Variants in AHRR observed in about 807,000 individuals in gnomAD.
AHRR encodes aryl hydrocarbon receptor repressor, also known as ahR repressor.
A neutral mutation model predicts 44.0 loss-of-function variants in AHRR; 28 were observed. The observed-to-expected ratio is 0.64, with a 90% CI of 0.47 to 0.87. The LOEUF (loss-of-function observed/expected upper bound fraction) is 0.87, where lower values mean the gene tolerates loss of function less well. Among genes scored for constraint, AHRR ranks in the 40% least tolerant of loss-of-function variants. The pLI, the probability that AHRR is intolerant of heterozygous loss-of-function variation, is 0.00. For missense variants in AHRR, 990 were observed against 953.9 expected, an observed-to-expected ratio of 1.04 and a Z score of -0.50; for synonymous variants, 434 against 407.0, an observed-to-expected ratio of 1.07 and a Z score of -0.80.
chr5:337,818 G>T lies in AHRR; in HGVS notation c.-10-6075G>T, dbSNP rs922391811. Among the ~76,000 whole-genome samples the T allele has an allele frequency of 6.6e-6, 1 of 152,162 alleles. No homozygotes were observed. The highest frequency in any genetic ancestry group is 1.5e-5 in the Non-Finnish European group (1 of 68,040). ...GTTCCGTCCCCTGGAGGGCAGAGAA[G>T]TTTGCTGAGTTGCCCTGTCTATGGC... On this transcript the variant is annotated intron_variant, in intron 1 of 10. Coordinates refer to ENST00000684583, the MANE Select transcript of AHRR (RefSeq NM_001377236.1). The surrounding 1 kb of genome is among the most constrained non-coding windows in gnomAD (Gnocchi z 4.1).
At chr5:347,506 CTT>C (rs1742717847) in intron 2 of AHRR, among the ~76,000 whole-genome samples, 1 of 152,074 alleles carries the variant, frequency 6.6e-6, no homozygotes, top group Admixed American at 6.5e-5. Flanking sequence ...ATGTTTAAAA[CTT>C]TTAAGCACTT....
chr5:397,523 G>A (rs112715043), intron 4 of AHRR, among the ~76,000 whole-genome samples: 88 of 72,764 alleles, frequency 1.2e-3, no homozygotes, highest in Admixed American at 7.2e-4. Context: ...GCCCCTGACC[G>A]TCCACGTAGC....
chr5:427,569 C>T (rs544519262), intron 7 of AHRR: 25 of 1,586,364 alleles, frequency 1.6e-5, no homozygotes, highest in South Asian at 4.4e-5. Context: ...GCCGTCGCCG[C>T]GGCTCCAGAG....
chr5:433,188 G>A (rs1055774827), intron 10 of AHRR, among the ~76,000 whole-genome samples: 3 of 152,162 alleles, frequency 2.0e-5, no homozygotes, highest in South Asian at 2.1e-4. Context: ...GATGTTGGGA[G>A]CGAGGATGCC....
chr5:344,939 TGTGG>T (rs1301457665), intron 2 of AHRR, among the ~76,000 whole-genome samples: 3 of 40,782 alleles, frequency 7.4e-5, no homozygotes, highest in Admixed American at 5.9e-4. Flanking sequence ...GGGAGCTGTG[TGTGG>T]GGGGGGTGTG....
rs1200694069 is a variant in AHRR, at chr5:415,462, AGTCTGCCTGGTCGGGTGGG to A, written c.441+2030_441+2048del. ...GGTCGGGCGGGAGGCCTAGGGGCCG[AGTCTGCCTGGTCGGGTGGG>A]AGGCCTAGGGGCCGAGTCTCCCTGG... On this transcript the variant is annotated intron_variant, in intron 5 of 10. Transcript: ENST00000684583. Among the ~76,000 whole-genome samples, 35 of 116,486 alleles carry A rather than the reference AGTCTGCCTGGTCGGGTGGG, an allele frequency of 3.0e-4. 3 individuals carry two copies. Among genetic ancestry groups the A allele is most frequent in the Non-Finnish European group, 4.0e-4 (25 of 61,734 alleles). The allele number at this position is 116,486 out of a possible 152,430, so 76.4% of individuals were successfully genotyped here.
At chr5:347,368 T>C (rs1175367832) in intron 2 of AHRR, among the ~76,000 whole-genome samples, 4 of 152,164 alleles carry the variant, frequency 2.6e-5, no homozygotes, top group African/African-American at 9.7e-5. Flanking sequence ...TTTGTATGAG[T>C]TGAATTTGTC....
chr5:381,505 G>GTTTTTT, intron 4 of AHRR, among the ~76,000 whole-genome samples: 1 of 53,900 alleles, frequency 1.9e-5, no homozygotes, highest in Non-Finnish European at 4.6e-5. Flanking sequence ...GCTTAGGTTT[G>GTTTTTT]CTTTTTTTTT....
At chr5:371,926 A>G (rs1743593418) in intron 3 of AHRR, among the ~76,000 whole-genome samples, 1 of 152,130 alleles carries the variant, frequency 6.6e-6, no homozygotes, top group Non-Finnish European at 1.5e-5. Context: ...AAAACGATGG[A>G]GAAGAAAGGG....
Position 325,971 on chromosome 5 carries a change from C to T in AHRR, c.-11+4152C>T, listed in dbSNP as rs577483251. On this transcript the variant is annotated intron_variant, in intron 1 of 10. Transcript: ENST00000684583. ...CTAATTTTTGTATTTTTAGTAGAGA[C>T]GGGGTTTCGCCATGTTGGCCAGGCT... 9.2e-5 allele frequency among the ~76,000 whole-genome samples: 14 copies of T among 151,876 alleles called. No homozygotes were observed. The South Asian group carries it at 1.0e-3, about 11-fold the overall frequency.
Position 434,216 on chromosome 5 carries a change from C to T in AHRR, c.1476C>T (p.Leu492=), listed in dbSNP as rs1235334946. The T allele has an allele frequency of 6.3e-7, 1 of 1,589,912 alleles. No homozygotes were observed. The highest frequency in any genetic ancestry group is 1.7e-5 in the Admixed American group (1 of 57,856). The change falls in exon 11 of 11, where the codon CTC becomes CTT. Residue 492 remains leucine (L), a synonymous_variant. Transcript: ENST00000684583. ...CCCAGAGGAGCCTGCAGCACCAGCT[C>T]CCTCAGCCTGGAGCTCAGCGTTTTG... The part of the protein sequence containing the change: ...HFPQRSLQHQ[L]PQPGAQRFAT...
intron 4 of AHRR, among the ~76,000 whole-genome samples, chr5:402,680 C>T (rs1735069194): frequency 6.6e-6 from 1 of 151,768 alleles, no homozygotes; most frequent in South Asian, 2.1e-4. Context: ...TGGGCATTTA[C>T]CCAAATTAAA....
rs893107654 is a variant in AHRR, at chr5:378,292, A to G, written c.351+1576A>G. ...GTTTATGGCAGGGCACCCTAAATCC[A>G]TAAACCGCCTTGAGCCGGCACAGGC... On this transcript the variant is annotated intron_variant, in intron 4 of 10. Coordinates refer to ENST00000684583, the MANE Select transcript of AHRR (RefSeq NM_001377236.1). Among the ~76,000 whole-genome samples, 5 of 152,360 alleles carry G rather than the reference A, an allele frequency of 3.3e-5. No homozygotes were observed. The East Asian group carries it at 7.7e-4, about 23-fold the overall frequency.
chr5:340,604 A>C (rs1272199335), intron 1 of AHRR, among the ~76,000 whole-genome samples: 3 of 142,670 alleles, frequency 2.1e-5, no homozygotes, highest in African/African-American at 7.9e-5. Flanking sequence ...ATACAGTCAC[A>C]TGGAGAGTTA....
At position 343,921 on chromosome 5, in the gene AHRR, T is replaced by A. The variant is rs758302970; in HGVS notation, c.19T>A (p.Cys7Ser). Residue 7 changes from cysteine (C) to serine (S), a missense_variant, in exon 2 of 11, where the codon TGC becomes AGC. Physicochemically the swap from Cys to Ser is moderately radical, Grantham distance 112 (BLOSUM62 -1). Coordinates refer to ENST00000684583, the MANE Select transcript of AHRR (RefSeq NM_001377236.1). ...GAGGACGATGATCCCGCCGGGGGAGTGCACGTACGCGGGCCGGAAGCGGAG... is the reference window on the plus strand; with the variant it reads ...GAGGACGATGATCCCGCCGGGGGAGAGCACGTACGCGGGCCGGAAGCGGAG... Reference protein sequence around the residue: MIPPGECTYAGRKRRRP... With the variant: MIPPGESTYAGRKRRRP... 6.3e-7 allele frequency: 1 copy of A among 1,599,766 alleles called. No homozygotes were observed. The highest frequency in any genetic ancestry group is 1.1e-5 in the South Asian group (1 of 90,252).
chr5:422,924 C>T (rs1736201486), intron 6 of AHRR, 66 bp downstream of exon 6: 3 of 1,523,662 alleles, frequency 2.0e-6, no homozygotes, highest in African/African-American at 1.4e-5. Context: ...ATCGCTGCCT[C>T]TGGAAATGAC....
chr5:345,335 GA>G (rs1560885277), intron 2 of AHRR, among the ~76,000 whole-genome samples: 19 of 10,094 alleles, frequency 1.9e-3, no homozygotes, highest in South Asian at 4.7e-3. Flanking sequence ...TGTGTGTGGG[GA>G]TGTGTGTGTG....
chr5:327,060 A>G (rs553641170), intron 1 of AHRR, among the ~76,000 whole-genome samples: 1 of 149,866 alleles, frequency 6.7e-6, no homozygotes, highest in African/African-American at 2.4e-5. Flanking sequence ...CTCTGTCTCA[A>G]CAACAACGGC....
intron 5 of AHRR, among the ~76,000 whole-genome samples, chr5:417,010 G>A (rs1403920679): frequency 6.6e-6 from 1 of 151,300 alleles, no homozygotes; most frequent in Admixed American, 6.6e-5. Flanking sequence ...AAGGCGGCTT[G>A]GTCTTTATGT....
Sources: allele counts gnomAD v4.1 joint callset (sites outside exome capture counted in the v4.1 genomes callset), GRCh38; gene constraint gnomAD v4.1.1; non-coding constraint Gnocchi (gnomAD v3.1); transcripts MANE v1.5; gene names NCBI Gene and HGNC (gene_info 2026-07-23, HGNC 2026-07-21).